HJURP: variants seen among roughly 807,000 people sequenced by gnomAD.
HJURP encodes the protein 14-3-3-associated AKT substrate.
HJURP carries 49 observed loss-of-function variants against 72.0 expected under a neutral mutation model. The observed-to-expected ratio is 0.68, with a 90% CI of 0.54 to 0.86. The LOEUF (loss-of-function observed/expected upper bound fraction) is 0.86. HJURP is among the 40% of genes least tolerant of loss of function. The pLI is 0.00. For synonymous variants in HJURP, 357 were observed against 347.1 expected (o/e 1.03, Z -0.32); for missense variants, 908 against 936.3 (o/e 0.97, Z 0.39).
At chr2:233,851,253 C>T (rs978639760) in intron 3 of HJURP, among the ~76,000 whole-genome samples, 10 of 152,208 alleles carry the variant, frequency 6.6e-5, no homozygotes, top group African/African-American at 1.7e-4. Flanking sequence ...CACTTCTCAG[C>T]ATTTATCGAA....
Position 233,841,892 on chromosome 2 carries a change from C to T in HJURP, c.888G>A (p.Arg296=), listed in dbSNP as rs756978393. ...KTFIMQNWNS[R]RRHRYKSRMN... is the part of the protein sequence containing the mutation. ...TCCTGCTCTTATATCTGTGCCTCCT[C>T]CTGGAGTTCCAGTTTTGCATGATGA... Residue 296 remains arginine (R), a synonymous_variant, in exon 8 of 9, where the codon AGG becomes AGA. Coordinates refer to ENST00000411486, the MANE Select transcript of HJURP (RefSeq NM_018410.5). The T allele has an allele frequency of 3.7e-6, 6 of 1,614,222 alleles. No individual in the cohort carries two copies. The South Asian group carries it at 5.5e-5, about 15-fold the overall frequency.
rs1397969896 is a variant in HJURP, at chr2:233,841,670, T to C, written c.1110A>G (p.Leu370=). 1 of 1,614,238 alleles carries C rather than the reference T, an allele frequency of 6.2e-7. No individual in the cohort carries two copies. Residue 370 remains leucine, a synonymous_variant, in exon 8 of 9, where the codon TTA becomes TTG. Coordinates refer to ENST00000411486, the MANE Select transcript of HJURP (RefSeq NM_018410.5). ...CTTTGCGCTCCTTCCAACTTGGATC[T>C]AACTTATGGATTTGGGGTCTGTTGA... ...LEVNRPQIHK[L]DPSWKERKVT...
chr2:233,846,881 A>G lies in HJURP; in HGVS notation c.402+516T>C, dbSNP rs1474850546. On this transcript the variant is annotated intron_variant, in intron 5 of 8. Transcript: ENST00000411486. The surrounding 1 kb of genome is among the most constrained non-coding windows in gnomAD (Gnocchi z 4.3). ...GATAAGAAGCACATCCCATAAGAAA[A>G]CGGGTGGTTTCTGTGACCCAGGGGG... is the stretch of plus-strand genomic sequence containing the variant. Among the ~76,000 whole-genome samples, 3 of 152,142 alleles carry G rather than the reference A, an allele frequency of 2.0e-5. No homozygotes were observed. Among genetic ancestry groups the G allele is most frequent in the African/African-American group, 7.2e-5 (3 of 41,432 alleles).
chr2:233,846,844 C>T lies in HJURP; in HGVS notation c.402+553G>A, dbSNP rs2286433. On this transcript the variant is annotated intron_variant, in intron 5 of 8. Coordinates refer to ENST00000411486, the MANE Select transcript of HJURP (RefSeq NM_018410.5). The surrounding 1 kb of genome is among the most constrained non-coding windows in gnomAD (Gnocchi z 4.3). Reference sequence around the variant, plus strand: ...AGCTCTGTGTAAATTCGCATCTATCCCAACCAAGGAGGATAAGAAGCACAT... The same window carrying T: ...AGCTCTGTGTAAATTCGCATCTATCTCAACCAAGGAGGATAAGAAGCACAT... 1.1e-3 allele frequency among the ~76,000 whole-genome samples: 168 copies of T among 152,250 alleles called. 6 individuals carry two copies. In the East Asian group the frequency reaches 0.03, roughly 27 times the overall value.
In HJURP at chr2:233,837,643, G is replaced by A; in HGVS notation, c.2181C>T (p.Asn727=). 1 of 1,601,076 alleles carries A rather than the reference G, an allele frequency of 6.2e-7. No individual in the cohort carries two copies. The highest frequency in any genetic ancestry group is 8.5e-7 in the Non-Finnish European group (1 of 1,172,304). Reference sequence around the variant, plus strand: ...TTTTCTCTTCCATCCTGTAAGACGTGTTCTCTCCTCTAGGAAAAAAAAAAG... The same window carrying A: ...TTTTCTCTTCCATCCTGTAAGACGTATTCTCTCCTCTAGGAAAAAAAAAAG... The part of the protein sequence containing the change: ...SQPNSEERGE[N]TSYRMEEKSD... Residue 727 remains asparagine (N), a synonymous_variant, in exon 9 of 9, where the codon AAC becomes AAT. Coordinates refer to ENST00000411486, the MANE Select transcript of HJURP (RefSeq NM_018410.5).
At position 233,841,019 on chromosome 2, in the gene HJURP, A is replaced by C; in HGVS notation, c.1761T>G (p.Leu587=). The C allele has an allele frequency of 3.1e-6, 5 of 1,614,204 alleles. No individual in the cohort carries two copies. The highest frequency in any genetic ancestry group is 2.2e-5 in the East Asian group (1 of 44,886). Residue 587 remains leucine, a synonymous_variant, in exon 8 of 9, where the codon CTT becomes CTG. Coordinates refer to ENST00000411486, the MANE Select transcript of HJURP (RefSeq NM_018410.5). ...YDEIKEEFDK[L]HQKYCLKSPG... ...GAGATTTGAGGCAATACTTTTGATG[A>C]AGCTTGTCAAATTCTTCTTTAATTT...
intron 2 of HJURP, 119 bp downstream of exon 2, chr2:233,853,725 G>A: frequency 2.6e-6 from 2 of 756,050 alleles, no homozygotes; most frequent in Middle Eastern, 2.6e-4. Context: ...GGGCACCAAT[G>A]TTTTGGTTCC....
At chr2:233,845,010 C>T (rs1705323960) in intron 6 of HJURP, among the ~76,000 whole-genome samples, 1 of 151,932 alleles carries the variant, frequency 6.6e-6, no homozygotes, top group Non-Finnish European at 1.5e-5. Flanking sequence ...GGACAGGTGC[C>T]AAGGGTCAGC....
In HJURP at chr2:233,841,714, C is replaced by T; in HGVS notation, c.1066G>A (p.Glu356Lys). 4.3e-6 allele frequency: 7 copies of T among 1,614,156 alleles called. No homozygotes were observed. The highest frequency in any genetic ancestry group is 5.9e-6 in the Non-Finnish European group (7 of 1,180,022). ...CTGTTGACTTCAAGAAAAGCTTTTT[C>T]CAATTTTAAACCTGTCTTACGGCAA... ...VSCRKTGLKL[E>K]KAFLEVNRPQ... The change falls in exon 8 of 9, where the codon GAA becomes AAA. Residue 356 changes from glutamate (E) to lysine (K), a missense_variant. Physicochemically the swap from Glu to Lys is moderately conservative, Grantham distance 56. This residue lies in a region of HJURP where 598 missense variants were observed against 619.5 expected (regional missense o/e 0.97). Transcript: ENST00000411486.
At position 233,854,347 on chromosome 2, in the gene HJURP, C is replaced by A. The variant is rs575737717; in HGVS notation, c.117+37G>T. 89 of 1,468,942 alleles carry A rather than the reference C, an allele frequency of 6.1e-5. 1 individual carries two copies. The South Asian group carries it at 9.9e-4, about 16-fold the overall frequency. The allele number at this position is 1,468,942 out of a possible 1,614,324, so 91.0% of individuals were successfully genotyped here. ...CCCCTCCCAGCCTCACTCCGACACG[C>A]AGGCCTCCCCTCCCGGCGGACCGGC... On this transcript the variant is annotated intron_variant, in intron 1 of 8. Coordinates refer to ENST00000411486, the MANE Select transcript of HJURP (RefSeq NM_018410.5).
At chr2:233,847,749 C>A (rs1705403013) in intron 4 of HJURP, among the ~76,000 whole-genome samples, 1 of 152,236 alleles carries the variant, frequency 6.6e-6, no homozygotes, top group Non-Finnish European at 1.5e-5. Flanking sequence ...AAGCCCAGCA[C>A]TGCTCGACAG....
chr2:233,852,775 T>C (rs1409459594), intron 2 of HJURP, among the ~76,000 whole-genome samples, 155 bp from the exon 3 acceptor site: 1 of 152,234 alleles, frequency 6.6e-6, no homozygotes, highest in Non-Finnish European at 1.5e-5. Flanking sequence ...TTCCTCTTTG[T>C]AAAGTTTCAG....
chr2:233,842,113 T>C lies in HJURP; in HGVS notation c.667A>G (p.Thr223Ala). 1 of 1,614,182 alleles carries C rather than the reference T, an allele frequency of 6.2e-7. No individual in the cohort carries two copies. The highest frequency in any genetic ancestry group is 2.2e-5 in the East Asian group (1 of 44,882). The stretch of plus-strand genomic sequence containing the variant: ...TTTCTAGGTACTAAGGCCATGTCTG[T>C]GGAGGAAGGATGCAAAGGATCCCAT... ...REWDPLHPSS[T>A]DMALVPRNDS... Residue 223 changes from threonine to alanine, a missense_variant, in exon 8 of 9, where the codon ACA becomes GCA. Around this residue, in one of 3 missense-constraint regions of HJURP, gnomAD observed 299 missense variants for 286.7 expected, o/e 1.04. Coordinates refer to ENST00000411486, the MANE Select transcript of HJURP (RefSeq NM_018410.5).
intron 6 of HJURP, among the ~76,000 whole-genome samples, chr2:233,844,911 C>A (rs1461311761): frequency 6.6e-6 from 1 of 152,184 alleles, no homozygotes; most frequent in African/African-American, 2.4e-5. Flanking sequence ...GCAGAGGGCA[C>A]TGACCTTAAG....
intron 8 of HJURP, among the ~76,000 whole-genome samples, chr2:233,840,019 G>C (rs1409343354): frequency 6.6e-6 from 1 of 152,184 alleles, no homozygotes; most frequent in Admixed American, 6.5e-5. Flanking sequence ...TGTCTCTAGA[G>C]AAAAGGGCAC....
rs1409201050 is a variant in HJURP, at chr2:233,852,623, GAAGAA to G, written c.185-8_185-4del. 6 of 1,597,592 alleles carry G rather than the reference GAAGAA, an allele frequency of 3.8e-6. No individual in the cohort carries two copies. Among genetic ancestry groups the G allele is most frequent in the Admixed American group, 3.3e-5 (2 of 59,970 alleles). On this transcript the variant is annotated splice_polypyrimidine_tract_variant and splice_region_variant and intron_variant, in intron 2 of 8. Transcript: ENST00000411486. ...TCTTCCACCCCAAATTCTCAATCCTGAAGAAAAGAAACAAAAATGACCATTTACAT... is the reference window on the plus strand; with the variant it reads ...TCTTCCACCCCAAATTCTCAATCCTGAAGAAACAAAAATGACCATTTACAT...
chr2:233,837,712 A>G, intron 8 of HJURP, 60 bp from the exon 9 acceptor site: 1 of 1,051,966 alleles, frequency 9.5e-7, no homozygotes, highest in Non-Finnish European at 1.4e-6. Context: ...TCCCAATGCC[A>G]GCCACTAAAA....
Position 233,846,997 on chromosome 2 carries a change from G to A in HJURP, c.402+400C>T, listed in dbSNP as rs1705378237. 6.6e-6 allele frequency among the ~76,000 whole-genome samples: 1 copy of A among 152,144 alleles called. No homozygotes were observed. Among genetic ancestry groups the A allele is most frequent in the South Asian group, 2.1e-4 (1 of 4,832 alleles). On this transcript the variant is annotated intron_variant, in intron 5 of 8. Transcript: ENST00000411486. The surrounding 1 kb of genome is among the most constrained non-coding windows in gnomAD (Gnocchi z 4.3). Reference sequence around the variant, plus strand: ...CGACCTTGTGACTTGGGGCATTTGAGGACAGACCTGGAAATACTCCCTAGA... The same window carrying A: ...CGACCTTGTGACTTGGGGCATTTGAAGACAGACCTGGAAATACTCCCTAGA...
At chr2:233,854,298 G>T in intron 1 of HJURP, 86 bp downstream of exon 1, 1 of 905,578 alleles carries the variant, frequency 1.1e-6, no homozygotes, top group Non-Finnish European at 1.7e-6. Flanking sequence ...AGTCCTCAGA[G>T]CCCCTTCCCT....
Sources: gnomAD v4.1 joint callset for allele counts (sites outside exome capture counted in the v4.1 genomes callset) on GRCh38, gnomAD v4.1.1 for gene constraint, gnomAD v4.1.1 regional missense constraint, Gnocchi (gnomAD v3.1) non-coding constraint, MANE v1.5 for transcripts, NCBI Gene and HGNC (gene_info 2026-07-23, HGNC 2026-07-21) for gene names.